Variants in LARP1B observed in about 807,000 individuals in gnomAD.
The protein encoded by LARP1B is la-related protein 1B.
Under a neutral mutation model 114.2 loss-of-function variants are expected in LARP1B, and 76 were observed. That is an observed-to-expected ratio of 0.67 (90% CI 0.55 to 0.81). LARP1B has a LOEUF of 0.81. Ranked by LOEUF, LARP1B falls within the 30% of genes least tolerant of loss-of-function variation. LARP1B has a pLI of 0.00. For synonymous variants in LARP1B, 345 were observed against 348.0 expected (o/e 0.99, Z 0.10); for missense variants, 1,014 against 1,075.8 (o/e 0.94, Z 0.80).
At chr4:128,066,998 G>C (rs763749307) in intron 1 of LARP1B, among the ~76,000 whole-genome samples, 14 of 151,072 alleles carry the variant, frequency 9.3e-5, no homozygotes, top group South Asian at 2.1e-4. Flanking sequence ...ACTAGAGATG[G>C]GGTTTTACCA....
intron 17 of LARP1B, among the ~76,000 whole-genome samples, chr4:128,203,527 C>A (rs1756693222): frequency 6.6e-6 from 1 of 152,008 alleles, no homozygotes; most frequent in African/African-American, 2.4e-5. Flanking sequence ...GTGCCCACCA[C>A]CACACCCGGC....
intron 15 of LARP1B, among the ~76,000 whole-genome samples, chr4:128,185,012 A>G (rs1749816759): frequency 6.6e-6 from 1 of 152,178 alleles, no homozygotes; most frequent in Non-Finnish European, 1.5e-5. Context: ...ATACATATAT[A>G]CACATATACA....
intron 11 of LARP1B, chr4:128,155,749 A>C: frequency 6.2e-7 from 1 of 1,608,210 alleles, no homozygotes; most frequent in African/African-American, 1.3e-5. Flanking sequence ...GGCTGCGGCC[A>C]AGTGTAGGAA....
Position 128,189,379 on chromosome 4 carries a change from C to T in LARP1B, c.2003+9867C>T, listed in dbSNP as rs1161992197. On this transcript the variant is annotated intron_variant, in intron 15 of 19. Coordinates refer to ENST00000326639, the MANE Select transcript of LARP1B (RefSeq NM_018078.4). ...TCCATTTGCGTGGAATGTCTTTTTCCATTCTTCACTTTCAGACTATGTGTG... is the reference window on the plus strand; with the variant it reads ...TCCATTTGCGTGGAATGTCTTTTTCTATTCTTCACTTTCAGACTATGTGTG... Among the ~76,000 whole-genome samples the T allele has an allele frequency of 6.9e-5, 4 of 58,136 alleles. No homozygotes were observed. The South Asian group carries it at 2.4e-3, about 35-fold the overall frequency. The allele number at this position is 58,136 out of a possible 152,430, so 38.1% of individuals were successfully genotyped here. A position where few individuals can be genotyped will look rare whatever the true frequency, so the allele number is the denominator to read the frequency against.
chr4:128,078,898 C>G (rs182530831), intron 4 of LARP1B, among the ~76,000 whole-genome samples: 9 of 151,980 alleles, frequency 5.9e-5, no homozygotes, highest in Admixed American at 1.3e-4. Flanking sequence ...AGGTTAGAGA[C>G]ATAGATAGAC....
At chr4:128,152,611 C>T (rs1393706670) in intron 11 of LARP1B, among the ~76,000 whole-genome samples, 5 of 148,912 alleles carry the variant, frequency 3.4e-5, no homozygotes, top group Admixed American at 2.0e-4. Flanking sequence ...TTGTTATTCC[C>T]TATATGTCTG....
At chr4:128,070,027 A>C (rs1764591424) in intron 1 of LARP1B, among the ~76,000 whole-genome samples, 1 of 152,186 alleles carries the variant, frequency 6.6e-6, no homozygotes. Context: ...ATCTTAAGAT[A>C]ATTTACTGAG....
At chr4:128,147,393 A>G (rs1362592409) in intron 11 of LARP1B, among the ~76,000 whole-genome samples, 1 of 152,196 alleles carries the variant, frequency 6.6e-6, no homozygotes, top group Admixed American at 6.6e-5. Flanking sequence ...CCCTTGATGC[A>G]TGCAAGAGTT....
intron 7 of LARP1B, among the ~76,000 whole-genome samples, chr4:128,222,058 C>A (rs1016270109): frequency 2.3e-4 from 35 of 152,160 alleles, no homozygotes; most frequent in Admixed American, 2.0e-3. Flanking sequence ...TTTAAATTTT[C>A]ATGGGAAATT....
chr4:128,116,034 T>G (rs1785685613), intron 10 of LARP1B, among the ~76,000 whole-genome samples: 1 of 152,268 alleles, frequency 6.6e-6, no homozygotes, highest in East Asian at 1.9e-4. Context: ...GTGATTTATA[T>G]ATCTGGTTTA....
At chr4:128,070,686 G>A (rs1306368819) in intron 1 of LARP1B, among the ~76,000 whole-genome samples, 2 of 151,762 alleles carry the variant, frequency 1.3e-5, no homozygotes, top group African/African-American at 2.4e-5. Context: ...TAGGATGACC[G>A]GCTGTAGTGG....
chr4:128,186,578 C>T (rs1183004840), intron 15 of LARP1B, among the ~76,000 whole-genome samples: 1 of 152,128 alleles, frequency 6.6e-6, no homozygotes, highest in Non-Finnish European at 1.5e-5. Flanking sequence ...ATCAGATCAT[C>T]TGCAGGCAAG....
rs182429861 is a variant in LARP1B, at chr4:128,168,288, T to A, written c.1648+5971T>A. 9.3e-3 allele frequency among the ~76,000 whole-genome samples: 1,402 copies of A among 150,850 alleles called. 18 individuals are homozygous for A. The highest frequency in any genetic ancestry group is 0.015 in the Non-Finnish European group (1,039 of 67,576). On this transcript the variant is annotated intron_variant, in intron 12 of 19. Coordinates refer to ENST00000326639, the MANE Select transcript of LARP1B (RefSeq NM_018078.4). ...CATTTAGTATTGTTAGTTTTTTTTT[T>A]AAAAAATTTTGCCCATCTAATAGTA...
At chr4:128,136,462 CAG>C (rs936291398) in intron 11 of LARP1B, among the ~76,000 whole-genome samples, 42 of 152,220 alleles carry the variant, frequency 2.8e-4, no homozygotes, top group African/African-American at 9.1e-4. Flanking sequence ...TGAAGTTTAT[CAG>C]AGGAGATAAC....
At chr4:128,098,163 G>T in intron 7 of LARP1B, 23 bp from the exon 8 acceptor site, 1 of 1,571,144 alleles carries the variant, frequency 6.4e-7, no homozygotes, top group South Asian at 1.1e-5. Flanking sequence ...ATAAATGGAT[G>T]AAATTCTGAT....
rs1297789474 is a variant in LARP1B, at chr4:128,211,768, A to G, written c.*1715A>G. ...TTGAACACATATATCTGAAACCTGTATTTAACCAGATATTTCTACTCAACT... is the reference window on the plus strand; with the variant it reads ...TTGAACACATATATCTGAAACCTGTGTTTAACCAGATATTTCTACTCAACT... On this transcript the variant is annotated 3_prime_UTR_variant, in exon 20 of 20. Transcript: ENST00000326639. The G allele has an allele frequency of 4.4e-6, 4 of 914,656 alleles. No homozygotes were observed. The highest frequency in any genetic ancestry group is 5.2e-6 in the Non-Finnish European group (4 of 765,628). The allele number at this position is 914,656 out of a possible 1,614,324, so 56.7% of individuals were successfully genotyped here. A position where few individuals can be genotyped will look rare whatever the true frequency, so the allele number is the denominator to read the frequency against.
At chr4:128,221,559 G>GT (rs1408933298) in intron 7 of LARP1B, among the ~76,000 whole-genome samples, 1 of 152,082 alleles carries the variant, frequency 6.6e-6, no homozygotes, top group Admixed American at 6.6e-5. Flanking sequence ...CTATTGTTTT[G>GT]TTTTTTTCCA....
At chr4:128,075,250 C>T (rs1362529232) in intron 3 of LARP1B, among the ~76,000 whole-genome samples, 2 of 151,786 alleles carry the variant, frequency 1.3e-5, no homozygotes, top group East Asian at 1.9e-4. Context: ...TACAGGCACG[C>T]ACCACTGTGC....
chr4:128,111,838 C>T lies in LARP1B; in HGVS notation c.989-2732C>T, dbSNP rs529089105. Among the ~76,000 whole-genome samples the T allele has an allele frequency of 3.1e-3, 468 of 151,904 alleles. 4 individuals are homozygous for T. Among genetic ancestry groups the T allele is most frequent in the African/African-American group, 0.011 (449 of 41,462 alleles). ...CTGGGATTACAGGTGCCTACCACCACGCCTGGCTAATTTTTGTATTTTTTT... is the reference window on the plus strand; with the variant it reads ...CTGGGATTACAGGTGCCTACCACCATGCCTGGCTAATTTTTGTATTTTTTT... On this transcript the variant is annotated intron_variant, in intron 9 of 19. Coordinates refer to ENST00000326639, the MANE Select transcript of LARP1B (RefSeq NM_018078.4).
Sources: gnomAD v4.1 joint callset for allele counts (sites outside exome capture counted in the v4.1 genomes callset) on GRCh38, gnomAD v4.1.1 for gene constraint, MANE v1.5 for transcripts, NCBI Gene and HGNC (gene_info 2026-07-23, HGNC 2026-07-21) for gene names.